TNS4: variants seen among roughly 807,000 people sequenced by gnomAD.
The protein encoded by TNS4 is tensin 4, also known as tensin-4.
In TNS4, 46 loss-of-function variants were observed where a neutral mutation model predicts 70.4. That is an observed-to-expected ratio of 0.65 (90% CI 0.52 to 0.84). TNS4 has a LOEUF of 0.84. TNS4 is among the 40% of genes least tolerant of loss of function. The probability of loss-of-function intolerance (pLI) is 0.00; values close to 1 mark genes in which losing one functional copy is unlikely to be tolerated. For synonymous variants in TNS4, 390 were observed against 366.6 expected (o/e 1.06, Z -0.73); for missense variants, 863 against 907.0 (o/e 0.95, Z 0.62).
At chr17:40,493,693 TGGGTGGACACA>T (rs1475045853) in intron 2 of TNS4, among the ~76,000 whole-genome samples, 1 of 152,164 alleles carries the variant, frequency 6.6e-6, no homozygotes, top group East Asian at 1.9e-4. Flanking sequence ...TCCCCAGAGT[TGGGTGGACACA>T]TGTTCACAAT....
intron 1 of TNS4, among the ~76,000 whole-genome samples, chr17:40,501,174 G>A (rs2036209943): frequency 6.6e-6 from 1 of 152,184 alleles, no homozygotes; most frequent in African/African-American, 2.4e-5. Context: ...GTTAAATGAG[G>A]CTGGGCTCAC....
At chr17:40,500,133 T>C (rs1193014753) in intron 1 of TNS4, among the ~76,000 whole-genome samples, 2 of 151,924 alleles carry the variant, frequency 1.3e-5, no homozygotes, top group African/African-American at 4.8e-5. Flanking sequence ...TGAATTGGGG[T>C]TTAAACCCAG....
chr17:40,494,922 A>T (rs2143826172), intron 2 of TNS4, among the ~76,000 whole-genome samples: 1 of 152,122 alleles, frequency 6.6e-6, no homozygotes, highest in Non-Finnish European at 1.5e-5. Flanking sequence ...TCAGTCTTCC[A>T]ACCTGTCTGA....
chr17:40,482,540 T>C, intron 6 of TNS4, 124 bp from the exon 7 acceptor site: 2 of 761,540 alleles, frequency 2.6e-6, no homozygotes, highest in South Asian at 1.6e-5. Context: ...GGTCAGGAGT[T>C]CGAGATCAGC....
At chr17:40,493,599 T>A (rs1344518971) in intron 2 of TNS4, among the ~76,000 whole-genome samples, 5 of 152,176 alleles carry the variant, frequency 3.3e-5, no homozygotes, top group Non-Finnish European at 1.5e-5. Flanking sequence ...GGAAGAGATT[T>A]TTTTTCTCCA....
intron 2 of TNS4, among the ~76,000 whole-genome samples, chr17:40,493,635 G>A (rs984133686): frequency 9.2e-5 from 14 of 152,198 alleles, no homozygotes; most frequent in African/African-American, 3.4e-4. Context: ...GCACAGAGAG[G>A]CAGCTTCCTC....
At chr17:40,498,067 T>C (rs1404803601) in intron 1 of TNS4, among the ~76,000 whole-genome samples, 1 of 152,160 alleles carries the variant, frequency 6.6e-6, no homozygotes, top group Non-Finnish European at 1.5e-5. Context: ...TACACTCCCA[T>C]TGCCTGCTCT....
chr17:40,501,262 C>T (rs939018855), intron 1 of TNS4, among the ~76,000 whole-genome samples: 1 of 152,138 alleles, frequency 6.6e-6, no homozygotes, highest in Admixed American at 6.5e-5. Context: ...GCCTGGCCAA[C>T]ATGGTGAAAC....
rs1251700844 is a variant in TNS4, at chr17:40,476,910, C to G, written c.*678G>C. On this transcript the variant is annotated 3_prime_UTR_variant, in exon 13 of 13. Coordinates refer to ENST00000254051, the MANE Select transcript of TNS4 (RefSeq NM_032865.6). ...AGTGGAAAGAAAAGATGGGGTGATA[C>G]TCATCTGCAAGGGGGTGCAGGACAG... 6.6e-6 allele frequency: 1 copy of G among 152,206 alleles called. No homozygotes were observed. Among genetic ancestry groups the G allele is most frequent in the African/African-American group, 2.4e-5 (1 of 41,412 alleles). The allele number at this position is 152,206 out of a possible 1,614,324, so 9.4% of individuals were successfully genotyped here.
At position 40,482,173 on chromosome 17, in the gene TNS4, A is replaced by G; in HGVS notation, c.1628T>C (p.Ile543Thr). 6.2e-7 allele frequency: 1 copy of G among 1,614,208 alleles called. No homozygotes were observed. Among genetic ancestry groups the G allele is most frequent in the Non-Finnish European group, 8.5e-7 (1 of 1,180,044 alleles). Reference protein sequence around the residue: ...SLSAFVCQHSIMALALPCKLT... With the variant: ...SLSAFVCQHSTMALALPCKLT... ...TTTGCAGGGCAGGGCCAGGGCCATG[A>G]TGGAATGCTGGCACACGAAGGCAGA... Residue 543 changes from isoleucine to threonine, a missense_variant, in exon 8 of 13, where the codon ATC (isoleucine) becomes ACC (threonine). Ile to Thr is a moderately conservative substitution (Grantham distance 89). Coordinates refer to ENST00000254051, the MANE Select transcript of TNS4 (RefSeq NM_032865.6).
chr17:40,481,246 G>T (rs1373621115), intron 8 of TNS4, among the ~76,000 whole-genome samples: 4 of 152,162 alleles, frequency 2.6e-5, no homozygotes, highest in Admixed American at 2.6e-4. Flanking sequence ...GCTCTGGATA[G>T]GGCATGCTGA....
intron 1 of TNS4, 89 bp from the exon 2 acceptor site, chr17:40,496,609 C>T (rs968458399): frequency 1.7e-6 from 1 of 604,460 alleles, no homozygotes; most frequent in African/African-American, 1.9e-5. Flanking sequence ...GTTATTCATT[C>T]ATTTAAAAGC....
At chr17:40,481,093 G>T (rs919954355) in intron 8 of TNS4, among the ~76,000 whole-genome samples, 3 of 151,982 alleles carry the variant, frequency 2.0e-5, no homozygotes, top group African/African-American at 7.3e-5. Flanking sequence ...ACCTGTCTTT[G>T]CAGAAAGCGA....
intron 4 of TNS4, among the ~76,000 whole-genome samples, chr17:40,485,971 C>CTATA (rs2035984711): frequency 6.6e-6 from 1 of 152,202 alleles, no homozygotes; most frequent in Non-Finnish European, 1.5e-5. Flanking sequence ...GAGCAGTGGG[C>CTATA]TATAGTAAAC....
chr17:40,491,182 A>T (rs2036062096), intron 2 of TNS4, among the ~76,000 whole-genome samples: 1 of 152,190 alleles, frequency 6.6e-6, no homozygotes, highest in Non-Finnish European at 1.5e-5. Context: ...ATAGCCCTTG[A>T]GCAGGGCAGG....
chr17:40,496,651 C>T (rs896579388), intron 1 of TNS4, 131 bp from the exon 2 acceptor site: 5 of 546,296 alleles, frequency 9.2e-6, no homozygotes, highest in South Asian at 4.7e-5. Context: ...CCTGAGTTTG[C>T]AGCCTGGCTC....
rs1326419261 is a variant in TNS4, at chr17:40,480,714, T to C, written c.1727A>G (p.Gln576Arg). ...SDSTDSPASCQKKSAGCHTLY... is the reference protein window; with the variant it reads ...SDSTDSPASCRKKSAGCHTLY... Reference sequence around the variant, plus strand: ...GTACCACTCACCCGCAGATTTCTTCTGGCAGGAGGCTGGGCTGTCTGTAGA... The same window carrying C: ...GTACCACTCACCCGCAGATTTCTTCCGGCAGGAGGCTGGGCTGTCTGTAGA... Residue 576 changes from glutamine to arginine, a missense_variant, in exon 9 of 13, where the codon CAG becomes CGG. Physicochemically the swap from Gln to Arg is conservative, Grantham distance 43. Coordinates refer to ENST00000254051, the MANE Select transcript of TNS4 (RefSeq NM_032865.6). 4 of 1,566,270 alleles carry C rather than the reference T, an allele frequency of 2.6e-6. No homozygotes were observed. The African/African-American group carries it at 4.2e-5, about 16-fold the overall frequency.
In TNS4 at chr17:40,487,344, G is replaced by T. The variant is rs33923045; in HGVS notation, c.980C>A (p.Thr327Lys). The T allele has an allele frequency of 4.2e-3, 6,773 of 1,614,168 alleles. 217 individuals are homozygous for T. In the African/African-American group the frequency reaches 0.077, roughly 18 times the overall value. The change falls in exon 4 of 13, where the codon ACA (threonine) becomes AAA (lysine). Residue 327 changes from threonine (T) to lysine (K), a missense_variant. Transcript: ENST00000254051. ...GGGAGCCTGGAAGTCACTGGGTCTTGTACACAGGGACACTGAGCCAAGGCT... is the reference window on the plus strand; with the variant it reads ...GGGAGCCTGGAAGTCACTGGGTCTTTTACACAGGGACACTGAGCCAAGGCT... ...LHSLGSVSLC[T>K]RPSDFQAPRN...
rs922220697 is a variant in TNS4 at position 40,478,196 on chromosome 17, G to T, written c.2006+111C>A. 5 of 1,403,176 alleles carry T rather than the reference G, an allele frequency of 3.6e-6. No homozygotes were observed. The African/African-American group carries it at 4.3e-5, about 12-fold the overall frequency. 86.9% of individuals were successfully genotyped at this position (1,403,176 alleles called of 1,614,324 possible). On this transcript the variant is annotated intron_variant, in intron 12 of 12. Transcript: ENST00000254051. ...CAGATGGGAGCTCCCTGAGGACCAG[G>T]GCCTGTGCCCTCATCAACACTTTGG...
Sources: gnomAD v4.1 joint callset for allele counts (sites outside exome capture counted in the v4.1 genomes callset) on GRCh38, gnomAD v4.1.1 for gene constraint, MANE v1.5 for transcripts, NCBI Gene and HGNC (gene_info 2026-07-23, HGNC 2026-07-21) for gene names.